PDZD4: variants seen among roughly 807,000 people sequenced by gnomAD.
PDZD4 encodes PDZ domain-containing protein 4.
In PDZD4, 9 loss-of-function variants were observed where a neutral mutation model predicts 38.5. The observed-to-expected ratio is 0.23, with a 90% CI of 0.14 to 0.41. The LOEUF is 0.41. PDZD4 is among the 10% of genes least tolerant of loss of function. The pLI is 1.00. For synonymous variants in PDZD4, 349 were observed against 315.7 expected (o/e 1.11, Z -1.12); for missense variants, 612 against 722.0 (o/e 0.85, Z 1.75).
intron 6 of PDZD4, 25 bp downstream of exon 6, chrX:153,805,480 G>C (rs369117434): frequency 9.3e-7 from 1 of 1,073,371 alleles, no homozygotes; most frequent in Non-Finnish European, 1.3e-6. Context: ...TCGTGGCCCC[G>C]GGTCGCCCTG....
At chrX:153,807,837 G>C in intron 2 of PDZD4, 1 of 975,061 alleles carries the variant, frequency 1.0e-6, no homozygotes, top group Non-Finnish European at 1.3e-6. Context: ...GCTGCTCATG[G>C]CCCTGTGGCC....
chrX:153,805,933 G>A (rs782180914), intron 5 of PDZD4, 138 bp downstream of exon 5: 21 of 648,485 alleles, frequency 3.2e-5, no homozygotes, highest in East Asian at 1.8e-4. Flanking sequence ...GACTCAGCCC[G>A]GGTTTAGGAC....
chrX:153,828,613 C>A (rs2064506720), intron 1 of PDZD4, among the ~76,000 whole-genome samples: 1 of 112,719 alleles, frequency 8.9e-6, no homozygotes, highest in Non-Finnish European at 1.9e-5. Flanking sequence ...CCAAGGGCTA[C>A]CGGTGTCGTC....
Position 153,804,810 on chromosome X carries a change from C to G in PDZD4, c.871G>C (p.Glu291Gln). 1 of 1,211,570 alleles carries G rather than the reference C, an allele frequency of 8.3e-7. No homozygotes were observed. The highest frequency in any genetic ancestry group is 1.1e-6 in the Non-Finnish European group (1 of 895,626). ...GAGCTCTCTTCGTTCCGGGTGCTCT[C>G]GTCAGTCCGGCCCACCCCGCTGTCC... The part of the protein sequence containing the change: ...ELDSGVGRTD[E>Q]STRNEESSEH... Residue 291 changes from glutamate (E) to glutamine (Q), a missense_variant, in exon 8 of 8, where the codon GAG (glutamate) becomes CAG (glutamine). Physicochemically the swap from Glu to Gln is conservative, Grantham distance 29. Around this residue, in one of 3 missense-constraint regions of PDZD4, gnomAD observed 225 missense variants for 311.0 expected, o/e 0.72. Transcript: ENST00000393758.
intron 1 of PDZD4, among the ~76,000 whole-genome samples, chrX:153,825,009 A>T (rs1003251116): frequency 1.8e-5 from 2 of 111,611 alleles, no homozygotes; most frequent in Non-Finnish European, 3.8e-5. Context: ...AAACAACAAC[A>T]ACAACAACAA....
intron 1 of PDZD4, among the ~76,000 whole-genome samples, chrX:153,820,516 T>C (rs1050762421): frequency 6.5e-4 from 72 of 110,735 alleles, no homozygotes; most frequent in Admixed American, 4.9e-3. Context: ...AGAGACTCCA[T>C]CTCAAAAACA....
At chrX:153,808,706 G>A in intron 1 of PDZD4, 111 bp from the exon 2 acceptor site, 1 of 911,740 alleles carries the variant, frequency 1.1e-6, no homozygotes, top group East Asian at 3.7e-5. Context: ...AGCACCCCAA[G>A]CCACTCAAGC....
Position 153,805,106 on chromosome X carries a change from AG to A in PDZD4, c.770del (p.Pro257LeufsTer20). 8.3e-7 allele frequency: 1 copy of A among 1,209,894 alleles called. No homozygotes were observed. Among genetic ancestry groups the A allele is most frequent in the Non-Finnish European group, 1.1e-6 (1 of 894,092 alleles). ...CCTTTTCCTTCCTCACCTGCTGGGC[AG>A]GGGGTGATTTCAGTTTACGAGCACG... Reference protein sequence around the residue: ...ELRARKLKSPPAQQPGNEEEK... With the variant: ...ELRARKLKSPXAQQPGNEEEK... On this transcript the variant is annotated frameshift_variant, in exon 7 of 8. Coordinates refer to ENST00000393758, the MANE Select transcript of PDZD4 (RefSeq NM_001303512.2). LOFTEE classifies it high-confidence loss of function.
chrX:153,819,224 G>T lies in PDZD4; in HGVS notation c.61-10629C>A, dbSNP rs535264697. 2.1e-4 allele frequency among the ~76,000 whole-genome samples: 24 copies of T among 113,064 alleles called. No individual in the cohort carries two copies. The South Asian group carries it at 8.6e-3, about 40-fold the overall frequency. ...CCTGCCCGCCCGCCCCGCCAACCCC[G>T]TCGGAGGCTGAGCTCTGTTTCCAGG... On this transcript the variant is annotated intron_variant, in intron 1 of 7. Coordinates refer to ENST00000393758, the MANE Select transcript of PDZD4 (RefSeq NM_001303512.2).
intron 1 of PDZD4, among the ~76,000 whole-genome samples, chrX:153,827,795 G>A (rs2064497522): frequency 8.9e-6 from 1 of 111,788 alleles, no homozygotes; most frequent in Non-Finnish European, 1.9e-5. Context: ...AACCTTGTGA[G>A]TATACTAAAA....
chrX:153,827,585 T>C (rs2148479525), intron 1 of PDZD4, among the ~76,000 whole-genome samples: 1 of 112,591 alleles, frequency 8.9e-6, no homozygotes, highest in South Asian at 3.7e-4. Flanking sequence ...CTTGAAAACA[T>C]TATGATTAAT....
intron 1 of PDZD4, among the ~76,000 whole-genome samples, chrX:153,813,367 A>G (rs782449692): frequency 6.3e-5 from 7 of 111,733 alleles, no homozygotes; most frequent in Non-Finnish European, 1.3e-4. Context: ...CTCAGGGCAA[A>G]GGGGACCCAC....
At chrX:153,806,936 C>T in intron 3 of PDZD4, 96 bp from the exon 4 acceptor site, 1 of 730,621 alleles carries the variant, frequency 1.4e-6, no homozygotes, top group Non-Finnish European at 2.1e-6. Context: ...CAGCCCGCAA[C>T]CCCTCAGCCC....
At chrX:153,829,589 G>A in intron 1 of PDZD4, 1 of 408,487 alleles carries the variant, frequency 2.4e-6, no homozygotes, top group Non-Finnish European at 3.1e-6. Flanking sequence ...TCCGGGCCGC[G>A]GGGCTGGGCT....
At chrX:153,813,744 C>A (rs1217103470) in intron 1 of PDZD4, among the ~76,000 whole-genome samples, 1 of 111,250 alleles carries the variant, frequency 9.0e-6, no homozygotes, top group African/African-American at 3.3e-5. Context: ...CTAAGTGATG[C>A]GAGATGATGC....
rs533893215 is a variant in PDZD4, at chrX:153,824,645, G to A, written c.60+5594C>T. Among the ~76,000 whole-genome samples, 59 of 111,842 alleles carry A rather than the reference G, an allele frequency of 5.3e-4. No homozygotes were observed. In the South Asian group the frequency reaches 0.015, roughly 28 times the overall value. ...CTGCCAGCCACGCTCCCGCACTCAA[G>A]CAGTACTTTCTCTCCCCCGCAGTTG... On this transcript the variant is annotated intron_variant, in intron 1 of 7. Transcript: ENST00000393758.
chrX:153,830,289 T>G lies in PDZD4; in HGVS notation c.10A>C (p.Asn4His). 8.3e-7 allele frequency: 1 copy of G among 1,200,359 alleles called. No homozygotes were observed. Among genetic ancestry groups the G allele is most frequent in the Non-Finnish European group, 1.1e-6 (1 of 889,842 alleles). MGCNMCVVQKPEEQ... is the reference protein window; with the variant it reads MGCHMCVVQKPEEQ... The stretch of plus-strand genomic sequence containing the variant: ...TCCGGTTTCTGGACCACGCACATAT[T>G]ACATCCCATGTTGCTGGCCGGCGAG... Residue 4 changes from asparagine (N) to histidine (H), a missense_variant, in exon 1 of 8, where the codon AAT becomes CAT. Physicochemically the swap from Asn to His is moderately conservative, Grantham distance 68. This residue lies in a region of PDZD4 where 225 missense variants were observed against 311.0 expected (regional missense o/e 0.72). Coordinates refer to ENST00000393758, the MANE Select transcript of PDZD4 (RefSeq NM_001303512.2).
chrX:153,810,690 G>A (rs1297878907), intron 1 of PDZD4, among the ~76,000 whole-genome samples: 5 of 112,601 alleles, frequency 4.4e-5, no homozygotes, highest in African/African-American at 1.6e-4. Flanking sequence ...CAATTCTGAC[G>A]GCAAAATCTT....
Position 153,808,479 on chromosome X carries a change from G to A in PDZD4, c.177C>T (p.Asp59=). Residue 59 remains aspartate, a synonymous_variant, in exon 2 of 8, where the codon GAC becomes GAT. Transcript: ENST00000393758. ...VLRRSPRLRG[D]SSCHDLQLVD... ...CCAGCTGCAGGTCGTGACAGGAGCT[G>A]TCCCCCCGGAGGCGGGGGCTGCGTC... 1 of 1,211,326 alleles carries A rather than the reference G, an allele frequency of 8.3e-7. No homozygotes were observed. Among genetic ancestry groups the A allele is most frequent in the Non-Finnish European group, 1.1e-6 (1 of 895,404 alleles).
Sources: gnomAD v4.1 joint callset for allele counts (sites outside exome capture counted in the v4.1 genomes callset) on GRCh38, gnomAD v4.1.1 for gene constraint, gnomAD v4.1.1 regional missense constraint, MANE v1.5 for transcripts, NCBI Gene and HGNC (gene_info 2026-07-23, HGNC 2026-07-21) for gene names.